The following PSMD3 variants were observed in gnomAD, a reference collection of about 807,000 sequenced individuals.
PSMD3 encodes 26S proteasome non-ATPase regulatory subunit 3.
In PSMD3, 5 loss-of-function variants were observed where a neutral mutation model predicts 62.8. The observed-to-expected ratio is 0.08, with a 90% confidence interval of 0.04 to 0.17. The LOEUF is 0.17. PSMD3 is among the 10% of genes least tolerant of loss of function. The pLI is 1.00. For synonymous variants in PSMD3, 265 were observed against 283.9 expected, an observed-to-expected ratio of 0.93 and a Z score of 0.67; for missense variants, 524 against 713.6, an observed-to-expected ratio of 0.73 and a Z score of 3.03.
Position 39,989,757 on chromosome 17 carries a change from C to G in PSMD3, c.705C>G (p.Leu235=). Reference sequence around the variant, plus strand: ...CTTGAAGCTTCTTGCATGCTCGGCTCCGGACAGCTACGCTTCGGCATGACG... The same window carrying G: ...CTTGAAGCTTCTTGCATGCTCGGCTGCGGACAGCTACGCTTCGGCATGACG... ...DVVRSFLHAR[L]RTATLRHDAD... Residue 235 remains leucine, a synonymous_variant, in exon 5 of 12, where the codon CTC becomes CTG. Transcript: ENST00000264639. 6.2e-7 allele frequency: 1 copy of G among 1,613,802 alleles called. No homozygotes were observed. The highest frequency in any genetic ancestry group is 1.3e-5 in the African/African-American group (1 of 75,046).
chr17:39,988,014 G>A (rs933417987), intron 3 of PSMD3, among the ~76,000 whole-genome samples: 1 of 152,232 alleles, frequency 6.6e-6, no homozygotes, highest in African/African-American at 2.4e-5. Flanking sequence ...GGCTGAGGCA[G>A]GGGAATTGCT....
chr17:39,980,988 G>C lies in PSMD3; in HGVS notation c.18G>C (p.Ser6=), dbSNP rs1365469233. The C allele has an allele frequency of 1.3e-6, 2 of 1,547,168 alleles. No individual in the cohort carries two copies. The highest frequency in any genetic ancestry group is 8.7e-7 in the Non-Finnish European group (1 of 1,147,562). MKQEG[S]ARRRGADKAK... ...CGGGTGCCATGAAGCAGGAGGGCTC[G>C]GCGCGGCGCCGCGGCGCGGACAAGG... Residue 6 remains serine, a synonymous_variant, in exon 1 of 12, where the codon TCG becomes TCC. Transcript: ENST00000264639.
At chr17:39,984,607 A>T in intron 2 of PSMD3, 123 bp downstream of exon 2, 1 of 922,904 alleles carries the variant, frequency 1.1e-6, no homozygotes. Context: ...AAGCCAAAGC[A>T]GTCCATTTGA....
intron 1 of PSMD3, among the ~76,000 whole-genome samples, chr17:39,982,441 A>G (rs1980411797): frequency 6.6e-6 from 1 of 152,260 alleles, no homozygotes. Flanking sequence ...AGAGCAAGTT[A>G]TGTATACAGT....
chr17:39,996,105 A>G lies in PSMD3; in HGVS notation c.1321-78A>G. 1 of 1,552,402 alleles carries G rather than the reference A, an allele frequency of 6.4e-7. No individual in the cohort carries two copies. The highest frequency in any genetic ancestry group is 1.1e-5 in the South Asian group (1 of 89,318). On this transcript the variant is annotated intron_variant, in intron 9 of 11. Transcript: ENST00000264639. The surrounding 1 kb of genome is among the most constrained non-coding windows in gnomAD (Gnocchi z 5.1). ...CCGCACTCTCCTGCCTGGGTGACAG[A>G]GCGAGACTCCATCTCAAAAAAAAAA... is the stretch of plus-strand genomic sequence containing the variant.
chr17:39,983,995 C>G (rs112428804), intron 1 of PSMD3, among the ~76,000 whole-genome samples: 27 of 152,040 alleles, frequency 1.8e-4, no homozygotes, highest in Admixed American at 1.0e-3. Flanking sequence ...GTCAGGAGAT[C>G]GAGACCATCC....
Position 39,995,304 on chromosome 17 carries a change from C to G in PSMD3, c.1216+9C>G. The G allele has an allele frequency of 6.2e-7, 1 of 1,614,144 alleles. No individual in the cohort carries two copies. On this transcript the variant is annotated intron_variant, in intron 8 of 11. Coordinates refer to ENST00000264639, the MANE Select transcript of PSMD3 (RefSeq NM_002809.4). This position sits in a 1 kb window ranked among gnomAD's most constrained non-coding sequence, Gnocchi z 4.1. ...CAACGTGATTAAGACAGGTGTGGAT[C>G]AGGATCTGAGGGGCTGTTGGAGGAG...
chr17:39,993,981 TGC>T (rs961896747), intron 6 of PSMD3: 2 of 152,286 alleles, frequency 1.3e-5, no homozygotes, highest in Admixed American at 6.5e-5. Context: ...GTCCCCAGAC[TGC>T]GGTCCCAACT....
chr17:39,987,246 T>G (rs1568136918), intron 3 of PSMD3, among the ~76,000 whole-genome samples: 1 of 152,204 alleles, frequency 6.6e-6, no homozygotes, highest in Non-Finnish European at 1.5e-5. Flanking sequence ...AGGGCCAGCT[T>G]CTTTGTTCAT....
Position 39,988,798 on chromosome 17 carries a change from A to G in PSMD3, c.665A>G (p.Asp222Gly). ...CACGCCCGGGTCTATGAGTTCCTGG[A>G]CAAGCTGGATGTGGTGCGCAGGTAC... Reference protein sequence around the residue: ...YYHARVYEFLDKLDVVRSFLH... With the variant: ...YYHARVYEFLGKLDVVRSFLH... The change falls in exon 4 of 12, where the codon GAC becomes GGC. Residue 222 changes from aspartate to glycine, a missense_variant. Coordinates refer to ENST00000264639, the MANE Select transcript of PSMD3 (RefSeq NM_002809.4). 2.5e-6 allele frequency: 4 copies of G among 1,613,980 alleles called. No individual in the cohort carries two copies. The highest frequency in any genetic ancestry group is 2.5e-6 in the Non-Finnish European group (3 of 1,180,038).
chr17:39,995,829 GC>G lies in PSMD3; in HGVS notation c.1320+303del, dbSNP rs1446928609. 29 of 492,572 alleles carry G rather than the reference GC, an allele frequency of 5.9e-5. No individual in the cohort carries two copies. Among genetic ancestry groups the G allele is most frequent in the Non-Finnish European group, 9.6e-5 (26 of 270,638 alleles). The allele number at this position is 492,572 out of a possible 1,614,324, so 30.5% of individuals were successfully genotyped here. On this transcript the variant is annotated intron_variant, in intron 9 of 11. Transcript: ENST00000264639. This position sits in a 1 kb window ranked among gnomAD's most constrained non-coding sequence, Gnocchi z 4.1. Reference sequence around the variant, plus strand: ...AGATGTTCTCTGACTTAGAAGATGGGCGTGCTGGGCCAGGCGCAGTGGCTCA... The same window carrying G: ...AGATGTTCTCTGACTTAGAAGATGGGGTGCTGGGCCAGGCGCAGTGGCTCA...
Position 39,985,937 on chromosome 17 carries a change from A to G in PSMD3, c.412-638A>G, listed in dbSNP as rs368983235. On this transcript the variant is annotated intron_variant, in intron 2 of 11. Transcript: ENST00000264639. ...TTCAGCCCTGTCCAGTAGTATTTGCAGTGGATCCAGGTGTGGTGGTTTAAT... is the reference window on the plus strand; with the variant it reads ...TTCAGCCCTGTCCAGTAGTATTTGCGGTGGATCCAGGTGTGGTGGTTTAAT... Among the ~76,000 whole-genome samples, 7 of 152,324 alleles carry G rather than the reference A, an allele frequency of 4.6e-5. No individual in the cohort carries two copies. In the East Asian group the frequency reaches 7.7e-4, roughly 17 times the overall value.
Position 39,981,674 on chromosome 17 carries a change from G to A in PSMD3, c.220+484G>A, listed in dbSNP as rs77551254. On this transcript the variant is annotated intron_variant, in intron 1 of 11. Transcript: ENST00000264639. ...CTGCCTTTAGCACACTCCCCCGAAT[G>A]AACCATTTCGACCTAGTATCTTGTT... Among the ~76,000 whole-genome samples the A allele has an allele frequency of 6.2e-4, 95 of 152,250 alleles. 4 individuals carry two copies. The East Asian group carries it at 0.018, about 29-fold the overall frequency.
At position 39,986,792 on chromosome 17, in the gene PSMD3, A is replaced by G. The variant is rs1168489882; in HGVS notation, c.549+80A>G. On this transcript the variant is annotated intron_variant, in intron 3 of 11. Coordinates refer to ENST00000264639, the MANE Select transcript of PSMD3 (RefSeq NM_002809.4). Reference sequence around the variant, plus strand: ...GGCGGGGAGATGGTCCCTGGTGAAGAAATGGAAATAATCATTGATTCTTAA... The same window carrying G: ...GGCGGGGAGATGGTCCCTGGTGAAGGAATGGAAATAATCATTGATTCTTAA... 14 of 1,514,970 alleles carry G rather than the reference A, an allele frequency of 9.2e-6. No homozygotes were observed. The East Asian group carries it at 3.2e-4, about 34-fold the overall frequency. 93.8% of individuals were successfully genotyped at this position (1,514,970 alleles called of 1,614,324 possible).
chr17:39,981,331 C>G, intron 1 of PSMD3, 141 bp downstream of exon 1: 2 of 1,358,054 alleles, frequency 1.5e-6, no homozygotes, highest in East Asian at 5.2e-5. Context: ...TCCCACTGCC[C>G]CGACACTCCC....
chr17:39,984,646 C>T (rs985766963), intron 2 of PSMD3, among the ~76,000 whole-genome samples, 162 bp downstream of exon 2: 3 of 152,150 alleles, frequency 2.0e-5, no homozygotes, highest in African/African-American at 4.8e-5. Context: ...ACAAGGGAAC[C>T]GTCCACTGCC....
chr17:39,985,010 G>A (rs1980489189), intron 2 of PSMD3, among the ~76,000 whole-genome samples: 1 of 151,880 alleles, frequency 6.6e-6, no homozygotes, highest in Admixed American at 6.6e-5. Flanking sequence ...CAAACAATCT[G>A]CCCGCCCAGG....
chr17:39,981,216 G>C, intron 1 of PSMD3, 26 bp downstream of exon 1: 1 of 1,548,796 alleles, frequency 6.5e-7, no homozygotes, highest in Non-Finnish European at 8.7e-7. Context: ...CCGGGAACGT[G>C]CCGCGATCGC....
chr17:39,987,339 A>G (rs1166648981), intron 3 of PSMD3, among the ~76,000 whole-genome samples: 3 of 151,678 alleles, frequency 2.0e-5, no homozygotes, highest in African/African-American at 7.3e-5. Flanking sequence ...TTACCACACT[A>G]TTTTTGGTTG....
Sources: gnomAD v4.1 joint callset for allele counts (sites outside exome capture counted in the v4.1 genomes callset) on GRCh38, gnomAD v4.1.1 for gene constraint, Gnocchi (gnomAD v3.1) non-coding constraint, MANE v1.5 for transcripts, NCBI Gene and HGNC (gene_info 2026-07-23, HGNC 2026-07-21) for gene names.